The following TMTC2 variants were observed in gnomAD, a reference collection of about 807,000 sequenced individuals.
TMTC2 encodes protein O-mannosyl-transferase TMTC2.
Under a neutral mutation model 82.4 loss-of-function variants are expected in TMTC2, and 43 were observed. The observed-to-expected ratio is 0.52, with a 90% confidence interval of 0.41 to 0.67. The LOEUF (loss-of-function observed/expected upper bound fraction) is 0.67. Among genes scored for constraint, TMTC2 ranks in the 30% least tolerant of loss-of-function variants. The pLI is 0.00. For missense variants in TMTC2, 919 were observed against 1,012.4 expected (o/e 0.91, Z 1.25); for synonymous variants, 408 against 381.9 (o/e 1.07, Z -0.80).
intron 1 of TMTC2, among the ~76,000 whole-genome samples, chr12:82,851,738 A>AT (rs1397090683): frequency 1.3e-5 from 2 of 151,886 alleles, no homozygotes; most frequent in Non-Finnish European, 2.9e-5. Context: ...TTATTTATTT[A>AT]TTTTTTTTAA....
At chr12:82,863,860 A>G (rs750780079) in intron 2 of TMTC2, among the ~76,000 whole-genome samples, 18 of 152,176 alleles carry the variant, frequency 1.2e-4, no homozygotes, top group Non-Finnish European at 4.4e-5. Flanking sequence ...AGTCGAGAAT[A>G]GTGCATGTAA....
At chr12:82,912,929 G>A (rs1213001304) in intron 3 of TMTC2, among the ~76,000 whole-genome samples, 1 of 107,634 alleles carries the variant, frequency 9.3e-6, no homozygotes, top group African/African-American at 3.1e-5. Flanking sequence ...ACAGAGTTGA[G>A]ACCTTGTCTG....
chr12:82,901,970 C>T (rs1291613605), intron 3 of TMTC2, among the ~76,000 whole-genome samples: 2 of 152,166 alleles, frequency 1.3e-5, no homozygotes, highest in Non-Finnish European at 2.9e-5. Context: ...CTCTGGGCTA[C>T]TACCTTCACC....
At chr12:82,747,469 G>T in intron 1 of TMTC2, among the ~76,000 whole-genome samples, 1 of 151,366 alleles carries the variant, frequency 6.6e-6, no homozygotes, top group South Asian at 2.1e-4. Flanking sequence ...CTTTAAATTG[G>T]AACCAAAGTG....
In TMTC2 at chr12:82,694,538, C is replaced by T. The variant is rs769049755; in HGVS notation, c.83+6869C>T. On this transcript the variant is annotated intron_variant, in intron 1 of 11. Coordinates refer to ENST00000321196, the MANE Select transcript of TMTC2 (RefSeq NM_152588.3). ...AGCTTTTGTTTCTTAATTTCTTTGCCGGGGCATTTTGTGATGTTGCAGTGA... is the reference window on the plus strand; with the variant it reads ...AGCTTTTGTTTCTTAATTTCTTTGCTGGGGCATTTTGTGATGTTGCAGTGA... Among the ~76,000 whole-genome samples the T allele has an allele frequency of 5.3e-5, 8 of 152,074 alleles. No homozygotes were observed. In the South Asian group the frequency reaches 8.3e-4, roughly 16 times the overall value.
chr12:82,696,200 G>T (rs767151516), intron 1 of TMTC2, among the ~76,000 whole-genome samples: 5 of 152,104 alleles, frequency 3.3e-5, no homozygotes, highest in Non-Finnish European at 1.5e-5. Context: ...CAGGCAAAAA[G>T]ACATTTTTAT....
chr12:82,897,136 T>C (rs972127779), intron 3 of TMTC2, among the ~76,000 whole-genome samples: 4 of 152,210 alleles, frequency 2.6e-5, no homozygotes, highest in African/African-American at 9.7e-5. Flanking sequence ...AGTATGTCTC[T>C]AGATGTCAGT....
intron 1 of TMTC2, among the ~76,000 whole-genome samples, chr12:82,794,223 C>A (rs989922546): frequency 6.6e-6 from 1 of 152,062 alleles, no homozygotes; most frequent in Non-Finnish European, 1.5e-5. Context: ...ACTCCTGGGG[C>A]GCCCTCCTCT....
chr12:82,989,626 A>G (rs1343825194), intron 8 of TMTC2, among the ~76,000 whole-genome samples: 2 of 151,928 alleles, frequency 1.3e-5, no homozygotes, highest in African/African-American at 4.8e-5. Context: ...GATTCTGTAT[A>G]TGCTTAGACC....
chr12:82,831,994 C>T (rs533687188), intron 1 of TMTC2, among the ~76,000 whole-genome samples: 25 of 152,260 alleles, frequency 1.6e-4, no homozygotes, highest in African/African-American at 5.8e-4. Flanking sequence ...TGACTAAAAC[C>T]GGACTCATGG....
chr12:82,905,086 T>A (rs1182675268), intron 3 of TMTC2, among the ~76,000 whole-genome samples: 1 of 152,080 alleles, frequency 6.6e-6, no homozygotes, highest in African/African-American at 2.4e-5. Flanking sequence ...ACAATTGAAT[T>A]TCTAAGTTAT....
chr12:83,001,778 A>G (rs1404552846), intron 8 of TMTC2, among the ~76,000 whole-genome samples: 2 of 151,946 alleles, frequency 1.3e-5, no homozygotes, highest in East Asian at 3.9e-4. Flanking sequence ...AACAAGAGCC[A>G]CCTTTGTTCC....
intron 11 of TMTC2, among the ~76,000 whole-genome samples, chr12:83,124,506 G>A (rs1250962183): frequency 6.6e-6 from 1 of 151,494 alleles, no homozygotes; most frequent in Non-Finnish European, 1.5e-5. Flanking sequence ...ATTAATGCAT[G>A]TAGACAGCAC....
intron 2 of TMTC2, among the ~76,000 whole-genome samples, chr12:82,872,711 T>C (rs1872265100): frequency 1.3e-5 from 2 of 152,178 alleles, no homozygotes; most frequent in Admixed American, 1.3e-4. Context: ...AATGGTGTCC[T>C]AAATTGTGCA....
intron 1 of TMTC2, among the ~76,000 whole-genome samples, chr12:82,730,001 C>A (rs1874694062): frequency 6.6e-6 from 1 of 152,082 alleles, no homozygotes; most frequent in South Asian, 2.1e-4. Context: ...CCAGCGAGAC[C>A]ACGAACCCAC....
At chr12:82,772,800 T>C (rs1045159995) in intron 1 of TMTC2, among the ~76,000 whole-genome samples, 1 of 152,182 alleles carries the variant, frequency 6.6e-6, no homozygotes, top group African/African-American at 2.4e-5. Context: ...TTACACCTAT[T>C]TAAATTCTAC....
At position 82,857,494 on chromosome 12, in the gene TMTC2, G is replaced by A. The variant is rs1403751240; in HGVS notation, c.568G>A (p.Val190Met). Residue 190 changes from valine (V) to methionine (M), a missense_variant, in exon 2 of 12, where the codon GTG becomes ATG. Coordinates refer to ENST00000321196, the MANE Select transcript of TMTC2 (RefSeq NM_152588.3). ...GCSMLWKEQG[V>M]TVLAVSAVYD... is the part of the protein sequence containing the mutation. ...CAGCATGTTGTGGAAGGAACAAGGA[G>A]TGACTGTTCTCGCAGTTTCAGCAGT... The A allele has an allele frequency of 6.2e-7, 1 of 1,614,198 alleles. No individual in the cohort carries two copies. The highest frequency in any genetic ancestry group is 1.3e-5 in the African/African-American group (1 of 75,046).
intron 8 of TMTC2, among the ~76,000 whole-genome samples, chr12:83,018,663 G>A (rs1425376741): frequency 7.0e-6 from 1 of 143,492 alleles, no homozygotes. Flanking sequence ...AAATTTGCGG[G>A]TTTTTTTTTT....
At chr12:82,771,684 C>T (rs1239239863) in intron 1 of TMTC2, among the ~76,000 whole-genome samples, 3 of 151,930 alleles carry the variant, frequency 2.0e-5, no homozygotes, top group Non-Finnish European at 4.4e-5. Context: ...ATAAGTAATT[C>T]AGTAGGACAG....
Sources: allele counts gnomAD v4.1 joint callset (sites outside exome capture counted in the v4.1 genomes callset), GRCh38; gene constraint gnomAD v4.1.1; transcripts MANE v1.5; gene names NCBI Gene and HGNC (gene_info 2026-07-23, HGNC 2026-07-21).